Variants in CDK19 observed in about 807,000 individuals in gnomAD.
The protein encoded by CDK19 is cyclin dependent kinase 19, also known as cyclin-dependent kinase 19.
A neutral mutation model predicts 68.3 loss-of-function variants in CDK19; 20 were observed. The ratio of observed to expected loss-of-function variants is 0.29; its 90% CI spans 0.21 to 0.43. The LOEUF (loss-of-function observed/expected upper bound fraction) is 0.43, where lower values mean the gene tolerates loss of function less well. Among genes scored for constraint, CDK19 ranks in the 20% least tolerant of loss-of-function variants. The probability of loss-of-function intolerance (pLI) is 1.00; values close to 1 mark genes in which losing one functional copy is unlikely to be tolerated. For missense variants in CDK19, 339 were observed against 623.5 expected, an observed-to-expected ratio of 0.54 and a Z score of 4.86; for synonymous variants, 221 against 222.8, an observed-to-expected ratio of 0.99 and a Z score of 0.07.
chr6:110,811,388 G>C (rs1783083848), intron 1 of CDK19, among the ~76,000 whole-genome samples: 1 of 152,124 alleles, frequency 6.6e-6, no homozygotes, highest in Non-Finnish European at 1.5e-5. Flanking sequence ...TCTGTAAGCT[G>C]TGTCAGCCAT....
intron 5 of CDK19, among the ~76,000 whole-genome samples, chr6:110,633,878 G>A (rs1185502784): frequency 6.6e-6 from 1 of 152,140 alleles, no homozygotes; most frequent in African/African-American, 2.4e-5. Flanking sequence ...AAACATGCCA[G>A]TACTCAAACA....
intron 1 of CDK19, among the ~76,000 whole-genome samples, chr6:110,808,525 A>C (rs951103785): frequency 3.3e-5 from 5 of 152,234 alleles, no homozygotes; most frequent in African/African-American, 1.2e-4. Flanking sequence ...AAAAGGCCTA[A>C]AATATTTAGT....
intron 2 of CDK19, among the ~76,000 whole-genome samples, chr6:110,734,520 G>GCTCTCTCCCTCTCTCTCTCTCTCTCT (rs1777052623): frequency 1.9e-4 from 16 of 85,780 alleles, no homozygotes; most frequent in East Asian, 2.7e-4. Context: ...GGTGAGCACT[G>GCTCTCTCCCTCTCTCTCTCTCTCTCT]CTCTCTCTCT....
intron 2 of CDK19, among the ~76,000 whole-genome samples, chr6:110,689,344 A>G (rs1036466845): frequency 6.6e-6 from 1 of 152,134 alleles, no homozygotes; most frequent in South Asian, 2.1e-4. Context: ...CACAAAAGAC[A>G]AAAACTTCTG....
chr6:110,630,670 T>C (rs1340169996), intron 6 of CDK19, among the ~76,000 whole-genome samples: 1 of 152,234 alleles, frequency 6.6e-6, no homozygotes, highest in African/African-American at 2.4e-5. Context: ...GATGACAGCC[T>C]GGCCTTGGTA....
At chr6:110,678,289 C>T (rs1159112800) in intron 2 of CDK19, among the ~76,000 whole-genome samples, 2 of 152,036 alleles carry the variant, frequency 1.3e-5, no homozygotes, top group African/African-American at 2.4e-5. Context: ...ATGTTTACCT[C>T]TAGTCCACCC....
chr6:110,631,453 T>C (rs980276484), intron 6 of CDK19, among the ~76,000 whole-genome samples: 3 of 152,220 alleles, frequency 2.0e-5, no homozygotes, highest in African/African-American at 4.8e-5. Flanking sequence ...ACAGTGTGTT[T>C]ATAACAGATT....
chr6:110,662,409 T>C (rs1337245907), intron 4 of CDK19, among the ~76,000 whole-genome samples: 3 of 152,220 alleles, frequency 2.0e-5, no homozygotes. Flanking sequence ...GTCTAACTGA[T>C]AGTTCAATTT....
At chr6:110,806,476 AG>A (rs1782692917) in intron 1 of CDK19, among the ~76,000 whole-genome samples, 2 of 152,210 alleles carry the variant, frequency 1.3e-5, no homozygotes, top group South Asian at 4.1e-4. Flanking sequence ...TTACTTCCAA[AG>A]GTAAACAGCT....
chr6:110,657,513 T>A (rs531933980), intron 4 of CDK19, among the ~76,000 whole-genome samples: 38 of 152,202 alleles, frequency 2.5e-4, no homozygotes, highest in Non-Finnish European at 4.7e-4. Context: ...TACCTTACTG[T>A]ATATAAATTC....
intron 4 of CDK19, among the ~76,000 whole-genome samples, chr6:110,641,592 C>CA (rs773781094): frequency 0.08 from 2,512 of 31,274 alleles, 138 homozygotes; most frequent in African/African-American, 0.21. Flanking sequence ...GAGACTCCAT[C>CA]AAAAAAAAAA....
At chr6:110,640,161 C>T (rs1001889849) in intron 4 of CDK19, among the ~76,000 whole-genome samples, 6 of 148,006 alleles carry the variant, frequency 4.1e-5, no homozygotes, top group Non-Finnish European at 4.4e-5. Context: ...ATTGAGGCTA[C>T]CAGGGTACTA....
intron 4 of CDK19, chr6:110,646,499 G>A (rs1780587221): frequency 1.4e-6 from 2 of 1,415,414 alleles, no homozygotes; most frequent in Non-Finnish European, 9.3e-7. Context: ...CTGTGCCAGC[G>A]TGGTGCCCTG....
chr6:110,627,202 T>A, intron 6 of CDK19, 57 bp from the exon 7 acceptor site: 2 of 1,308,902 alleles, frequency 1.5e-6, no homozygotes, highest in Non-Finnish European at 1.1e-6. Flanking sequence ...AATTCCTAGA[T>A]ATAATCCCAG....
chr6:110,792,114 G>T (rs80187342), intron 1 of CDK19, among the ~76,000 whole-genome samples: 23,286 of 151,144 alleles, frequency 0.15, 1,992 homozygotes, highest in East Asian at 0.31. Flanking sequence ...GGGACTATAG[G>T]CACGTGCCAC....
intron 1 of CDK19, among the ~76,000 whole-genome samples, chr6:110,756,377 G>A (rs1400015464): frequency 1.3e-5 from 2 of 150,444 alleles, no homozygotes; most frequent in Admixed American, 6.6e-5. Flanking sequence ...GAGACAGAGC[G>A]AGACTCTGTC....
intron 2 of CDK19, 48 bp downstream of exon 2, chr6:110,746,078 C>A: frequency 2.2e-6 from 2 of 891,556 alleles, no homozygotes; most frequent in Non-Finnish European, 1.7e-6. Flanking sequence ...AATAAATCAT[C>A]ACCCAATATC....
chr6:110,646,166 C>G, intron 4 of CDK19: 2 of 1,091,432 alleles, frequency 1.8e-6, no homozygotes, highest in Non-Finnish European at 1.3e-6. Context: ...CGCAGCGCGC[C>G]ACCGGCCACC....
chr6:110,675,357 G>A (rs1002918076), intron 2 of CDK19, among the ~76,000 whole-genome samples: 5 of 152,190 alleles, frequency 3.3e-5, no homozygotes, highest in Admixed American at 6.5e-5. Context: ...GCCGGGTACA[G>A]TGGCTCACGC....
Sources: gnomAD v4.1 joint callset for allele counts (sites outside exome capture counted in the v4.1 genomes callset) on GRCh38, gnomAD v4.1.1 for gene constraint, MANE v1.5 for transcripts, NCBI Gene and HGNC (gene_info 2026-07-23, HGNC 2026-07-21) for gene names.